Variants in CMTR1 observed in about 807,000 individuals in gnomAD.
CMTR1 encodes cap-specific mRNA (nucleoside-2'-O-)-methyltransferase 1.
CMTR1 carries 39 observed loss-of-function variants against 107.0 expected under a neutral mutation model. The ratio of observed to expected loss-of-function variants is 0.36; its 90% confidence interval spans 0.28 to 0.48. The LOEUF is 0.48. Ranked by LOEUF, CMTR1 falls within the 20% of genes least tolerant of loss-of-function variation. The probability of loss-of-function intolerance (pLI) is 0.99; values close to 1 mark genes in which losing one functional copy is unlikely to be tolerated. For synonymous variants in CMTR1, 366 were observed against 379.5 expected, an observed-to-expected ratio of 0.96 and a Z score of 0.41; for missense variants, 672 against 1,064.9, an observed-to-expected ratio of 0.63 and a Z score of 5.14.
rs146987432 is a variant in CMTR1 at position 37,443,634 on chromosome 6, G to A, written c.134-365G>A. Among the ~76,000 whole-genome samples, 643 of 152,256 alleles carry A rather than the reference G, an allele frequency of 4.2e-3. 5 individuals carry two copies. The highest frequency in any genetic ancestry group is 0.014 in the African/African-American group (567 of 41,542). On this transcript the variant is annotated intron_variant, in intron 2 of 23. Transcript: ENST00000373451. ...CGTCCTCCTGGAGTACTGGGATTAC[G>A]CGTGAGCCACCATGCCCAGCCAACA...
At chr6:37,464,425 C>G (rs1761463320) in intron 13 of CMTR1, among the ~76,000 whole-genome samples, 1 of 151,512 alleles carries the variant, frequency 6.6e-6, no homozygotes, top group Non-Finnish European at 1.5e-5. Context: ...CGAGATCGCG[C>G]CACTGCACTC....
intron 18 of CMTR1, 121 bp downstream of exon 18, chr6:37,474,767 C>T (rs1366913695): frequency 2.5e-5 from 37 of 1,454,796 alleles, no homozygotes; most frequent in Non-Finnish European, 3.4e-5. Context: ...GGGCCCAGGG[C>T]TGGGGTAAGG....
rs572928867 is a variant in CMTR1 at position 37,481,124 on chromosome 6, G to A, written c.*979G>A. On this transcript the variant is annotated 3_prime_UTR_variant, in exon 24 of 24. Transcript: ENST00000373451. ...CTTCCTTTTTCTTCCCTAATAGGAG[G>A]TACAATCTGCTTTTGTTTGTCGTTA... 2.3e-6 allele frequency: 3 copies of A among 1,303,514 alleles called. No homozygotes were observed. The East Asian group carries it at 1.7e-4, about 72-fold the overall frequency. 80.7% of individuals were successfully genotyped at this position (1,303,514 alleles called of 1,614,324 possible).
chr6:37,464,697 G>C (rs558207810), intron 13 of CMTR1, among the ~76,000 whole-genome samples: 1 of 152,082 alleles, frequency 6.6e-6, no homozygotes, highest in East Asian at 1.9e-4. Flanking sequence ...ATTGTATGAG[G>C]ATTCTTTTGT....
intron 21 of CMTR1, 68 bp from the exon 22 acceptor site, chr6:37,478,341 A>G: frequency 8.3e-7 from 1 of 1,210,856 alleles, no homozygotes; most frequent in Non-Finnish European, 1.2e-6. Flanking sequence ...TGATTTTATT[A>G]GTCAGAGACT....
intron 2 of CMTR1, among the ~76,000 whole-genome samples, 199 bp from the exon 3 acceptor site, chr6:37,443,800 C>T (rs1771724584): frequency 6.6e-6 from 1 of 152,084 alleles, no homozygotes; most frequent in African/African-American, 2.4e-5. Flanking sequence ...GTGTCAAGTC[C>T]ATTAGGAACT....
chr6:37,458,898 C>A lies in CMTR1; in HGVS notation c.976+88C>A. ...TCAGAAGCAGTTGTTATCCACATGC[C>A]ATATTTTCTTTCCTAGGTCTCTTAC... On this transcript the variant is annotated intron_variant, in intron 9 of 23. Coordinates refer to ENST00000373451, the MANE Select transcript of CMTR1 (RefSeq NM_015050.3). This position sits in a 1 kb window ranked among gnomAD's most constrained non-coding sequence, Gnocchi z 4.7. 8.1e-7 allele frequency: 1 copy of A among 1,235,064 alleles called. No homozygotes were observed. Among genetic ancestry groups the A allele is most frequent in the Admixed American group, 2.0e-5 (1 of 49,740 alleles). The allele number at this position is 1,235,064 out of a possible 1,614,324, so 76.5% of individuals were successfully genotyped here. A position where few individuals can be genotyped will look rare whatever the true frequency, so the allele number is the denominator to read the frequency against.
chr6:37,452,284 TGAG>T (rs1761195750), intron 6 of CMTR1, among the ~76,000 whole-genome samples: 1 of 152,166 alleles, frequency 6.6e-6, no homozygotes, highest in South Asian at 2.1e-4. Context: ...ATCTATAAAA[TGAG>T]GAGAAAATAC....
intron 5 of CMTR1, 129 bp downstream of exon 5, chr6:37,450,472 T>A: frequency 1.4e-6 from 1 of 711,344 alleles, no homozygotes; most frequent in South Asian, 1.7e-5. Context: ...TTGGTAGGAA[T>A]AAAACTGTGT....
rs1761765011 is a variant in CMTR1 at position 37,477,653 on chromosome 6, C to T, written c.2153+14C>T. 2 of 1,604,636 alleles carry T rather than the reference C, an allele frequency of 1.2e-6. No homozygotes were observed. Among genetic ancestry groups the T allele is most frequent in the African/African-American group, 1.4e-5 (1 of 73,378 alleles). Reference sequence around the variant, plus strand: ...GATTTTTGTCAGGTGAGTGACTTGACCGGTGAAGCTCAGATTCAAGAGGAG... The same window carrying T: ...GATTTTTGTCAGGTGAGTGACTTGATCGGTGAAGCTCAGATTCAAGAGGAG... On this transcript the variant is annotated intron_variant, in intron 21 of 23. Coordinates refer to ENST00000373451, the MANE Select transcript of CMTR1 (RefSeq NM_015050.3).
intron 8 of CMTR1, among the ~76,000 whole-genome samples, chr6:37,457,144 C>T (rs1156758446): frequency 2.0e-5 from 3 of 149,078 alleles, no homozygotes; most frequent in Non-Finnish European, 4.4e-5. Context: ...TGCCTGAGCT[C>T]AGGAGTTCAA....
intron 10 of CMTR1, among the ~76,000 whole-genome samples, 188 bp downstream of exon 10, chr6:37,459,872 T>C (rs1761366289): frequency 6.6e-6 from 1 of 152,222 alleles, no homozygotes; most frequent in African/African-American, 2.4e-5. Flanking sequence ...ACTGATGTTG[T>C]GGATACCTTT....
chr6:37,456,201 A>T (rs1054566717), intron 8 of CMTR1, among the ~76,000 whole-genome samples: 3 of 152,248 alleles, frequency 2.0e-5, no homozygotes, highest in African/African-American at 7.2e-5. Context: ...CAGTATGTGT[A>T]GGGCTAAAAC....
intron 1 of CMTR1, among the ~76,000 whole-genome samples, chr6:37,434,055 A>G (rs1024282290): frequency 6.6e-6 from 1 of 152,202 alleles, no homozygotes; most frequent in Non-Finnish European, 1.5e-5. Context: ...TGCAATGGCT[A>G]GAAGCAAGCT....
chr6:37,469,134 A>T (rs1761571309), intron 13 of CMTR1, among the ~76,000 whole-genome samples: 3 of 148,814 alleles, frequency 2.0e-5, no homozygotes, highest in South Asian at 4.2e-4. Context: ...GACTCTGTTT[A>T]AAAAAAAAAC....
intron 13 of CMTR1, among the ~76,000 whole-genome samples, chr6:37,470,295 C>T (rs927391149): frequency 5.9e-5 from 9 of 151,972 alleles, no homozygotes; most frequent in East Asian, 3.9e-4. Flanking sequence ...TACAGGCGCC[C>T]GCCACCACGC....
intron 2 of CMTR1, among the ~76,000 whole-genome samples, chr6:37,437,476 G>A (rs1200397158): frequency 2.8e-5 from 4 of 141,016 alleles, no homozygotes; most frequent in South Asian, 2.2e-4. Flanking sequence ...GCAGTGAGCC[G>A]AGATTGTGCC....
In CMTR1 at chr6:37,450,390, CT is replaced by C. The variant is rs1419346812; in HGVS notation, c.537+51del. Reference sequence around the variant, plus strand: ...CCCTGACTTCTTGGCATTCTCTTGACTTTTCACTTGCTCGAGTCTGGTATTT... The same window carrying C: ...CCCTGACTTCTTGGCATTCTCTTGACTTTCACTTGCTCGAGTCTGGTATTT... On this transcript the variant is annotated intron_variant, in intron 5 of 23. Coordinates refer to ENST00000373451, the MANE Select transcript of CMTR1 (RefSeq NM_015050.3). 2.8e-6 allele frequency: 4 copies of C among 1,415,284 alleles called. No individual in the cohort carries two copies. The South Asian group carries it at 4.6e-5, about 16-fold the overall frequency. 87.7% of individuals were successfully genotyped at this position (1,415,284 alleles called of 1,614,324 possible).
At chr6:37,432,115 G>A (rs1430392560), upstream of CMTR1, among the ~76,000 whole-genome samples, 1 of 152,174 alleles carries the variant, frequency 6.6e-6, no homozygotes, top group African/African-American at 2.4e-5. Context: ...ACCGCGCCCG[G>A]CGGAGACACG....
Sources: gnomAD v4.1 joint callset for allele counts (sites outside exome capture counted in the v4.1 genomes callset) on GRCh38, gnomAD v4.1.1 for gene constraint, Gnocchi (gnomAD v3.1) non-coding constraint, MANE v1.5 for transcripts, NCBI Gene and HGNC (gene_info 2026-07-23, HGNC 2026-07-21) for gene names.